TANGO2: variants seen among roughly 807,000 people sequenced by gnomAD.
TANGO2 encodes the protein transport and Golgi organization protein 2 homolog.
Under a neutral mutation model 39.1 loss-of-function variants are expected in TANGO2, and 26 were observed. That is an observed-to-expected ratio of 0.67 (90% confidence interval 0.49 to 0.92). The LOEUF is 0.92. Among genes scored for constraint, TANGO2 ranks in the 40% least tolerant of loss-of-function variants. The pLI, the probability that TANGO2 is intolerant of heterozygous loss-of-function variation, is 0.00. For missense variants in TANGO2, 326 were observed against 360.1 expected (o/e 0.91, Z 0.77); for synonymous variants, 131 against 144.5 (o/e 0.91, Z 0.67).
chr22:20,029,369 C>T (rs574457321), intron 1 of TANGO2, among the ~76,000 whole-genome samples: 198 of 152,292 alleles, frequency 1.3e-3, no homozygotes, highest in African/African-American at 4.6e-3. Context: ...GGAAAGCTTC[C>T]GTCCTTCACA....
At chr22:20,037,235 C>CA in intron 2 of TANGO2, 1 of 1,006,634 alleles carries the variant, frequency 9.9e-7, no homozygotes, top group Non-Finnish European at 1.4e-6. Context: ...GGTGAGAAGT[C>CA]AAAGTGGCGG....
intron 3 of TANGO2, among the ~76,000 whole-genome samples, chr22:20,051,236 AAAT>A (rs1049916672): frequency 6.6e-6 from 1 of 151,926 alleles, no homozygotes; most frequent in African/African-American, 2.4e-5. Context: ...ATTGTTATAA[AAAT>A]AATATCTTAG....
At chr22:20,032,435 C>T (rs1285911563) in intron 1 of TANGO2, among the ~76,000 whole-genome samples, 2 of 152,398 alleles carry the variant, frequency 1.3e-5, no homozygotes, top group Admixed American at 1.3e-4. Flanking sequence ...GGGCTGTGGC[C>T]TCTGAGACCC....
At chr22:20,056,562 T>C (rs1320089937) in intron 6 of TANGO2, 3 of 456,702 alleles carry the variant, frequency 6.6e-6, no homozygotes, top group Non-Finnish European at 8.8e-6. Flanking sequence ...GCCCAGGCTG[T>C]GCCTCCTGCT....
At chr22:20,058,852 A>G (rs940586919) in intron 6 of TANGO2, among the ~76,000 whole-genome samples, 2 of 152,130 alleles carry the variant, frequency 1.3e-5, no homozygotes, top group South Asian at 2.1e-4. Flanking sequence ...AGGTTTGGGG[A>G]AAAGCCATAC....
At chr22:20,029,773 C>T (rs913991032) in intron 1 of TANGO2, among the ~76,000 whole-genome samples, 1 of 152,228 alleles carries the variant, frequency 6.6e-6, no homozygotes, top group African/African-American at 2.4e-5. Context: ...GTGATTAGTT[C>T]CCCGGCCTCC....
At chr22:20,063,949 C>T (rs560920225) in intron 8 of TANGO2, among the ~76,000 whole-genome samples, 108 of 152,380 alleles carry the variant, frequency 7.1e-4, no homozygotes, top group African/African-American at 2.5e-3. Context: ...GGGTGCACTG[C>T]GTATGTGTCT....
intron 7 of TANGO2, 199 bp from the exon 8 acceptor site, chr22:20,063,137 CAA>C (rs2048690341): frequency 3.6e-6 from 2 of 555,110 alleles, no homozygotes. Context: ...GTCTGGGCGA[CAA>C]GAGTGAAACT....
rs547579806 is a variant in TANGO2 at position 20,064,579 on chromosome 22, G to A, written c.748G>A (p.Val250Met). The A allele has an allele frequency of 1.4e-5, 23 of 1,614,192 alleles. No homozygotes were observed. Among genetic ancestry groups the A allele is most frequent in the Middle Eastern group, 3.3e-4 (2 of 6,062 alleles). Residue 250 changes from valine (V) to methionine (M), a missense_variant, in exon 9 of 9, where the codon GTG (valine) becomes ATG (methionine). Coordinates refer to ENST00000327374, the MANE Select transcript of TANGO2 (RefSeq NM_152906.7). ...TIILVDADGH[V>M]TFTERSMMDK... ...CATCCTGGTAGATGCGGACGGCCAC[G>A]TGACCTTCACTGAGCGTAGCATGAT...
rs966837568 is a variant in TANGO2, at chr22:20,052,306, C to T, written c.146-159C>T. Among the ~76,000 whole-genome samples the T allele has an allele frequency of 4.6e-5, 7 of 152,212 alleles. 1 individual carries two copies. The highest frequency in any genetic ancestry group is 9.6e-5 in the African/African-American group (4 of 41,460). ...GCCTGGCCTTGAAGAGTTCCAGCCA[C>T]GATTCCATAGCTGGGGCTGCTGGGC... On this transcript the variant is annotated intron_variant, in intron 3 of 8. Transcript: ENST00000327374.
At chr22:20,036,940 G>A in intron 2 of TANGO2, 86 bp downstream of exon 2, 1 of 1,613,912 alleles carries the variant, frequency 6.2e-7, no homozygotes, top group South Asian at 1.1e-5. Flanking sequence ...GCTGTGTGCA[G>A]GAAGGTGTGT....
At chr22:20,042,061 AGCCTCAAACTCCTGG>A (rs1198920409) in intron 2 of TANGO2, among the ~76,000 whole-genome samples, 5 of 151,772 alleles carry the variant, frequency 3.3e-5, no homozygotes, top group African/African-American at 1.2e-4. Context: ...AGTTCACTGC[AGCCTCAAACTCCTGG>A]GCTCAAATGA....
intron 3 of TANGO2, among the ~76,000 whole-genome samples, chr22:20,044,078 G>T (rs189381263): frequency 6.6e-6 from 1 of 152,174 alleles, no homozygotes; most frequent in Non-Finnish European, 1.5e-5. Flanking sequence ...CCTGGAAGGT[G>T]CGCATAGATG....
chr22:20,061,201 A>C (rs1200453616), intron 6 of TANGO2: 1 of 209,636 alleles, frequency 4.8e-6, no homozygotes, highest in East Asian at 1.2e-4. Flanking sequence ...CGTGAGGTGA[A>C]GAGGTTCCCT....
rs535729367 is a variant in TANGO2, at chr22:20,057,528, A to G, written c.451+1515A>G. Among the ~76,000 whole-genome samples the G allele has an allele frequency of 4.8e-4, 73 of 152,228 alleles. No homozygotes were observed. The highest frequency in any genetic ancestry group is 1.7e-3 in the African/African-American group (71 of 41,528). On this transcript the variant is annotated intron_variant, in intron 6 of 8. Transcript: ENST00000327374. The surrounding 1 kb of genome is among the most constrained non-coding windows in gnomAD (Gnocchi z 4.1). Reference sequence around the variant, plus strand: ...CCTGGTCTTCCCCTCCCTACCTTGGATACAACTGTGGGCAGCCCACCTGAG... The same window carrying G: ...CCTGGTCTTCCCCTCCCTACCTTGGGTACAACTGTGGGCAGCCCACCTGAG...
intron 3 of TANGO2, among the ~76,000 whole-genome samples, chr22:20,047,122 C>T (rs758898735): frequency 2.0e-5 from 3 of 152,106 alleles, no homozygotes; most frequent in Non-Finnish European, 4.4e-5. Context: ...AGCTAGAACT[C>T]ATCACTGTGA....
intron 3 of TANGO2, among the ~76,000 whole-genome samples, chr22:20,046,530 C>A (rs2045245443): frequency 6.8e-6 from 1 of 147,644 alleles, no homozygotes; most frequent in Non-Finnish European, 1.5e-5. Context: ...AATGGTGCGA[C>A]CTTGGCTCAC....
At chr22:20,055,635 C>T (rs111594986) in intron 5 of TANGO2, 15 of 466,260 alleles carry the variant, frequency 3.2e-5, no homozygotes, top group African/African-American at 2.9e-4. Context: ...TCCCCATGGG[C>T]AGCCTCTGTG....
intron 1 of TANGO2, among the ~76,000 whole-genome samples, chr22:20,024,122 C>T (rs979481568): frequency 6.6e-6 from 1 of 152,062 alleles, no homozygotes; most frequent in Non-Finnish European, 1.5e-5. Context: ...AGGAGGCGAA[C>T]GTTGCAGTGA....
Sources: gnomAD v4.1 joint callset for allele counts (sites outside exome capture counted in the v4.1 genomes callset) on GRCh38, gnomAD v4.1.1 for gene constraint, Gnocchi (gnomAD v3.1) non-coding constraint, MANE v1.5 for transcripts, NCBI Gene and HGNC (gene_info 2026-07-23, HGNC 2026-07-21) for gene names.